The following SYT16 variants were observed in gnomAD, a reference collection of about 807,000 sequenced individuals.
SYT16 encodes synaptotagmin-16.
A neutral mutation model predicts 61.4 loss-of-function variants in SYT16; 42 were observed. The observed-to-expected ratio is 0.68, with a 90% CI of 0.53 to 0.89. SYT16 has a LOEUF of 0.89. SYT16 is among the 40% of genes least tolerant of loss of function. SYT16 has a pLI of 0.00. For missense variants in SYT16, 804 were observed against 807.3 expected (o/e 1.00, Z 0.05); for synonymous variants, 314 against 302.3 (o/e 1.04, Z -0.40).
intron 2 of SYT16, among the ~76,000 whole-genome samples, chr14:61,970,579 C>G (rs2051503500): frequency 6.6e-6 from 1 of 152,122 alleles, no homozygotes; most frequent in African/African-American, 2.4e-5. Context: ...GCGTTTTAGT[C>G]TCATGATGTT....
chr14:61,870,903 G>T (rs2047311457), intron 1 of SYT16, among the ~76,000 whole-genome samples: 1 of 151,958 alleles, frequency 6.6e-6, no homozygotes, highest in African/African-American at 2.4e-5. Context: ...TCATTACTGG[G>T]TCTGTTTCTA....
At chr14:61,937,563 G>A (rs147665125) in intron 1 of SYT16, among the ~76,000 whole-genome samples, 38 of 152,302 alleles carry the variant, frequency 2.5e-4, no homozygotes, top group African/African-American at 8.9e-4. Context: ...ATTATCTCAG[G>A]ACCAGTCAGG....
chr14:62,036,515 A>C (rs2054513938), intron 3 of SYT16, among the ~76,000 whole-genome samples: 1 of 152,148 alleles, frequency 6.6e-6, no homozygotes, highest in African/African-American at 2.4e-5. Context: ...GTGCTAGTCC[A>C]TTCTCGTGCG....
chr14:62,080,926 C>T lies in SYT16; in HGVS notation c.1086C>T (p.Ala362=), dbSNP rs777356710. 27 of 1,608,640 alleles carry T rather than the reference C, an allele frequency of 1.7e-5. No homozygotes were observed. The highest frequency in any genetic ancestry group is 1.6e-4 in the Middle Eastern group (1 of 6,076). The change falls in exon 6 of 8, where the codon GCC becomes GCT. Residue 362 remains alanine (A), a synonymous_variant. Coordinates refer to ENST00000683842, the MANE Select transcript of SYT16 (RefSeq NM_001367656.1). ...GDLDVIFEYR[A]ASQKLTVTIV... is the part of the protein sequence containing the mutation. ...TAGATGTCATCTTTGAATATAGAGC[C>T]GCCAGCCAGAAGCTCACAGTGACCA...
chr14:61,862,454 C>T (rs781275400), intron 1 of SYT16, among the ~76,000 whole-genome samples: 15 of 152,040 alleles, frequency 9.9e-5, no homozygotes, highest in Middle Eastern at 3.2e-3. Context: ...ATGTTTATTC[C>T]CTTTTAAAAA....
At chr14:61,829,453 C>T (rs575589372) in intron 1 of SYT16, among the ~76,000 whole-genome samples, 33 of 152,102 alleles carry the variant, frequency 2.2e-4, no homozygotes, top group African/African-American at 6.5e-4. Flanking sequence ...ATGTCTTTCC[C>T]CAAATTTGGG....
intron 3 of SYT16, among the ~76,000 whole-genome samples, chr14:62,061,145 C>T (rs17099461): frequency 0.21 from 31,738 of 151,978 alleles, 7,577 homozygotes; most frequent in African/African-American, 0.59. Context: ...TATAATGCAA[C>T]GTGTAAATTT....
At chr14:61,998,699 G>A (rs979715201) in intron 3 of SYT16, among the ~76,000 whole-genome samples, 3 of 151,856 alleles carry the variant, frequency 2.0e-5, no homozygotes, top group African/African-American at 7.2e-5. Flanking sequence ...CTATTATCAT[G>A]TTAAATAAGA....
At chr14:62,050,259 G>T (rs57192410) in intron 3 of SYT16, among the ~76,000 whole-genome samples, 10,630 of 152,084 alleles carry the variant, frequency 0.07, 473 homozygotes, top group East Asian at 0.12. Flanking sequence ...TCCAGTTGAT[G>T]GCATCAGCTG....
intron 5 of SYT16, among the ~76,000 whole-genome samples, chr14:62,076,218 A>T (rs2056490925): frequency 6.6e-6 from 1 of 152,192 alleles, no homozygotes; most frequent in Admixed American, 6.5e-5. Flanking sequence ...CCCTCCTATC[A>T]TGATTCTGTG....
intron 2 of SYT16, among the ~76,000 whole-genome samples, chr14:61,984,948 T>A (rs1373101768): frequency 2.6e-4 from 40 of 152,170 alleles, no homozygotes. Context: ...GGGGTCACTT[T>A]GGCTCGGTAG....
chr14:61,982,406 G>C (rs930878230), intron 2 of SYT16, among the ~76,000 whole-genome samples: 1 of 152,124 alleles, frequency 6.6e-6, no homozygotes, highest in Non-Finnish European at 1.5e-5. Flanking sequence ...TGAAAGGCAC[G>C]TCTTACATGG....
chr14:61,944,665 T>G (rs1395850966), intron 1 of SYT16, among the ~76,000 whole-genome samples: 1 of 152,150 alleles, frequency 6.6e-6, no homozygotes, highest in Non-Finnish European at 1.5e-5. Flanking sequence ...AAAACAGTGT[T>G]GGGAAAACTG....
At chr14:61,975,851 A>G (rs1367805339) in intron 2 of SYT16, among the ~76,000 whole-genome samples, 4 of 152,184 alleles carry the variant, frequency 2.6e-5, no homozygotes, top group Non-Finnish European at 5.9e-5. Context: ...TTTCAAACCA[A>G]TAATGCCTTC....
Position 62,109,340 on chromosome 14 carries a change from G to C in SYT16, c.*8633G>C, listed in dbSNP as rs1206483041. The C allele has an allele frequency of 1.3e-5, 2 of 148,174 alleles. No individual in the cohort carries two copies. The highest frequency in any genetic ancestry group is 3.0e-5 in the Non-Finnish European group (2 of 67,114). The allele number at this position is 148,174 out of a possible 1,614,324, so 9.2% of individuals were successfully genotyped here. On this transcript the variant is annotated 3_prime_UTR_variant, in exon 8 of 8. Coordinates refer to ENST00000683842, the MANE Select transcript of SYT16 (RefSeq NM_001367656.1). ...CATGTAAGTTTTCATGTCTTTTTAT[G>C]GCTTGATAGTTCATTTATTTTAAGT...
At chr14:61,920,327 T>C (rs994449346) in intron 1 of SYT16, among the ~76,000 whole-genome samples, 2 of 152,186 alleles carry the variant, frequency 1.3e-5, no homozygotes, top group Admixed American at 1.3e-4. Flanking sequence ...TAGGTATACA[T>C]GTGCCATGGT....
chr14:62,085,118 A>G (rs1229215039), intron 7 of SYT16, among the ~76,000 whole-genome samples: 1 of 152,222 alleles, frequency 6.6e-6, no homozygotes, highest in Admixed American at 6.5e-5. Context: ...GCCAGACTCA[A>G]AAAGCTGCTG....
At chr14:61,943,020 A>C (rs897924927) in intron 1 of SYT16, among the ~76,000 whole-genome samples, 3 of 152,210 alleles carry the variant, frequency 2.0e-5, no homozygotes, top group South Asian at 2.1e-4. Flanking sequence ...GAAGAATCAA[A>C]TAGACACAAT....
At chr14:62,093,251 G>A (rs1371856951) in intron 7 of SYT16, among the ~76,000 whole-genome samples, 1 of 151,988 alleles carries the variant, frequency 6.6e-6, no homozygotes, top group Non-Finnish European at 1.5e-5. Context: ...TAAACCAATA[G>A]AGGGAATAAA....
Sources: gnomAD v4.1 joint callset for allele counts (sites outside exome capture counted in the v4.1 genomes callset) on GRCh38, gnomAD v4.1.1 for gene constraint, MANE v1.5 for transcripts, NCBI Gene and HGNC (gene_info 2026-07-23, HGNC 2026-07-21) for gene names.